Variants in EFCAB10 observed in about 807,000 individuals in gnomAD.
EFCAB10 encodes EF-hand calcium binding domain 10, also known as EF-hand calcium-binding domain-containing protein 10.
A neutral mutation model predicts 7.7 loss-of-function variants in EFCAB10; 7 were observed. The observed-to-expected ratio is 0.91, with a 90% CI of 0.52 to 1.72. The LOEUF is 1.72. Among genes scored for constraint, EFCAB10 ranks in the 40% most tolerant of loss-of-function variants. The probability of loss-of-function intolerance (pLI) is 0.00; values close to 1 mark genes in which losing one functional copy is unlikely to be tolerated. For synonymous variants in EFCAB10, 52 were observed against 21.0 expected (o/e 2.47, Z -4.03); for missense variants, 112 against 61.5 (o/e 1.82, Z -2.74).
chr7:105,576,559 C>T (rs1021219521), intron 1 of EFCAB10, among the ~76,000 whole-genome samples: 24 of 152,198 alleles, frequency 1.6e-4, no homozygotes, highest in African/African-American at 4.6e-4. Flanking sequence ...TCTTCTGCCT[C>T]AGCCTCCTGA....
chr7:105,569,509 C>T lies in EFCAB10; in HGVS notation c.169G>A (p.Val57Met), dbSNP rs550977844. ...ERLRIAKVTGVAFPFFMDNSN... is the reference protein window; with the variant it reads ...ERLRIAKVTGMAFPFFMDNSN... The stretch of plus-strand genomic sequence containing the variant: ...TTATCCATAAAGAAAGGAAACGCCA[C>T]GCCTGTTACTTTTGCAATTCTCAGT... The change falls in exon 2 of 5, where the codon GTG (valine) becomes ATG (methionine). Residue 57 changes from valine to methionine, a missense_variant. Transcript: ENST00000480514. 9.2e-5 allele frequency: 65 copies of T among 702,866 alleles called. No homozygotes were observed. Among genetic ancestry groups the T allele is most frequent in the South Asian group, 8.9e-4 (60 of 67,542 alleles). The allele number at this position is 702,866 out of a possible 1,614,324, so 43.5% of individuals were successfully genotyped here. A position where few individuals can be genotyped will look rare whatever the true frequency, so the allele number is the denominator to read the frequency against.
chr7:105,567,348 TAAGA>T, intron 4 of EFCAB10, 115 bp downstream of exon 4: 2 of 1,443,768 alleles, frequency 1.4e-6, no homozygotes, highest in Non-Finnish European at 9.6e-7. Flanking sequence ...TTTTTGTTTC[TAAGA>T]AAGAGGAAGC....
chr7:105,565,553 T>C lies in EFCAB10; in HGVS notation c.*-106A>G, dbSNP rs1791682774. 1 of 1,613,752 alleles carries C rather than the reference T, an allele frequency of 6.2e-7. No homozygotes were observed. Among genetic ancestry groups the C allele is most frequent in the African/African-American group, 1.3e-5 (1 of 74,926 alleles). ...AGATAATTCTTGCTAATCACTTCAATGAAGGAGGAGCAGCCCAGCTGCAGT... is the reference window on the plus strand; with the variant it reads ...AGATAATTCTTGCTAATCACTTCAACGAAGGAGGAGCAGCCCAGCTGCAGT... On this transcript the variant is annotated intron_variant, in intron 4 of 4. Coordinates refer to ENST00000480514, the MANE Select transcript of EFCAB10 (RefSeq NM_001355526.2).
chr7:105,569,240 C>T lies in EFCAB10; in HGVS notation c.322G>A (p.Gly108Arg). ...AATTTATCCAAAGTTATTTTATGTC[C>T]ATCATCTTGTAAATCTTCATCTTCA... Reference protein sequence around the residue: ...CTEDEDLQDDGHKITLDKFKE... With the variant: ...CTEDEDLQDDRHKITLDKFKE... The change falls in exon 3 of 5, where the codon GGA becomes AGA. Residue 108 changes from glycine (G) to arginine (R), a missense_variant. Gly to Arg is a moderately radical substitution (Grantham distance 125, BLOSUM62 -2). Coordinates refer to ENST00000480514, the MANE Select transcript of EFCAB10 (RefSeq NM_001355526.2). 4.3e-6 allele frequency: 3 copies of T among 701,926 alleles called. No homozygotes were observed. Among genetic ancestry groups the T allele is most frequent in the Non-Finnish European group, 7.8e-6 (3 of 384,946 alleles). The allele number at this position is 701,926 out of a possible 1,614,324, so 43.5% of individuals were successfully genotyped here. A position where few individuals can be genotyped will look rare whatever the true frequency, so the allele number is the denominator to read the frequency against.
At chr7:105,577,715 ATTT>A (rs5886360) in intron 1 of EFCAB10, among the ~76,000 whole-genome samples, 22 of 140,638 alleles carry the variant, frequency 1.6e-4, no homozygotes, top group African/African-American at 5.2e-4. Flanking sequence ...TGTCTGTTCA[ATTT>A]TTTTTTTTTT....
At chr7:105,571,055 C>A (rs372569017) in intron 1 of EFCAB10, 7 of 152,038 alleles carry the variant, frequency 4.6e-5, no homozygotes, top group African/African-American at 1.7e-4. Context: ...TAAGTTACAT[C>A]ATTACTGAGA....
chr7:105,573,040 T>C (rs1177936325), intron 1 of EFCAB10: 3 of 151,968 alleles, frequency 2.0e-5, no homozygotes, highest in Non-Finnish European at 4.4e-5. Context: ...GTCTGACATG[T>C]TTTGGATATT....
Position 105,567,200 on chromosome 7 carries a change from G to A in EFCAB10, c.383+267C>T, listed in dbSNP as rs1056894357. On this transcript the variant is annotated intron_variant, in intron 4 of 4. Coordinates refer to ENST00000480514, the MANE Select transcript of EFCAB10 (RefSeq NM_001355526.2). Reference sequence around the variant, plus strand: ...AAGATGTACTGCAGTCAGCTTCAGGGCAGCTTCCTGCCACAGCAGCATTAA... The same window carrying A: ...AAGATGTACTGCAGTCAGCTTCAGGACAGCTTCCTGCCACAGCAGCATTAA... 1.9e-6 allele frequency: 3 copies of A among 1,612,940 alleles called. No homozygotes were observed. Among genetic ancestry groups the A allele is most frequent in the Non-Finnish European group, 2.5e-6 (3 of 1,179,700 alleles).
chr7:105,569,549 T>G lies in EFCAB10; in HGVS notation c.129A>C (p.Ile43=). 1 of 694,284 alleles carries G rather than the reference T, an allele frequency of 1.4e-6. No individual in the cohort carries two copies. The highest frequency in any genetic ancestry group is 2.6e-6 in the Non-Finnish European group (1 of 383,002). 43.0% of individuals were successfully genotyped at this position (694,284 alleles called of 1,614,324 possible). ...FRPEKPKEYL[I]SLLERLRIAK... is the part of the protein sequence containing the mutation. The stretch of plus-strand genomic sequence containing the variant: ...CAATTCTCAGTCGTTCCAATAGAGA[T>G]ATTAAATATTCTTTTGGTTTTTCTG... The change falls in exon 2 of 5, where the codon ATA becomes ATC. Residue 43 remains isoleucine, a synonymous_variant. Coordinates refer to ENST00000480514, the MANE Select transcript of EFCAB10 (RefSeq NM_001355526.2).
At chr7:105,569,735 T>A (rs945709049) in intron 1 of EFCAB10, among the ~76,000 whole-genome samples, 164 bp from the exon 2 acceptor site, 1 of 152,064 alleles carries the variant, frequency 6.6e-6, no homozygotes, top group Non-Finnish European at 1.5e-5. Flanking sequence ...AGGTAAGACA[T>A]TGAACACTTA....
rs1465121767 is a variant in EFCAB10 at position 105,565,275 on chromosome 7, A to C, written c.*172T>G. Reference sequence around the variant, plus strand: ...TTTTTGGTAAAAATGTGTTTTTTCCAGATGGTTGTCCTTGCCATCTCAGTC... The same window carrying C: ...TTTTTGGTAAAAATGTGTTTTTTCCCGATGGTTGTCCTTGCCATCTCAGTC... On this transcript the variant is annotated 3_prime_UTR_variant, in exon 5 of 5. Coordinates refer to ENST00000480514, the MANE Select transcript of EFCAB10 (RefSeq NM_001355526.2). 6.4e-6 allele frequency: 10 copies of C among 1,563,740 alleles called. No homozygotes were observed. The highest frequency in any genetic ancestry group is 8.7e-6 in the Non-Finnish European group (10 of 1,155,654).
At position 105,569,084 on chromosome 7, in the gene EFCAB10, A is replaced by C. The variant is rs1791870165; in HGVS notation, c.359+119T>G. The stretch of plus-strand genomic sequence containing the variant: ...CCTGTCCTCACTTTCCAGTCAGCTG[A>C]AAGTTTCAAGGGAACAAAATATTTC... On this transcript the variant is annotated intron_variant, in intron 3 of 4. Coordinates refer to ENST00000480514, the MANE Select transcript of EFCAB10 (RefSeq NM_001355526.2). 3.9e-5 allele frequency: 25 copies of C among 642,224 alleles called. 1 individual carries two copies. In the South Asian group the frequency reaches 4.3e-4, roughly 11 times the overall value. The allele number at this position is 642,224 out of a possible 1,614,324, so 39.8% of individuals were successfully genotyped here.
At chr7:105,570,611 T>C (rs549735587) in intron 1 of EFCAB10, among the ~76,000 whole-genome samples, 1 of 152,164 alleles carries the variant, frequency 6.6e-6, no homozygotes, top group South Asian at 2.1e-4. Context: ...GATCTTGCTA[T>C]GTTGCCCAGA....
At chr7:105,574,201 T>G (rs1289975107) in intron 1 of EFCAB10, among the ~76,000 whole-genome samples, 1 of 149,698 alleles carries the variant, frequency 6.7e-6, no homozygotes, top group Non-Finnish European at 1.5e-5. Flanking sequence ...CACACGTATA[T>G]ATATAGACAC....
chr7:105,574,196 G>GTA (rs72231558), intron 1 of EFCAB10, among the ~76,000 whole-genome samples: 4 of 3,018 alleles, frequency 1.3e-3, no homozygotes, highest in East Asian at 0.011. Context: ...ACACACACAC[G>GTA]TATATATATA....
In EFCAB10 at chr7:105,569,249, G is replaced by A. The variant is rs1018374952; in HGVS notation, c.313C>T (p.Gln105Ter). The change falls in exon 3 of 5, where the codon CAA becomes TAA. Residue 105 changes from glutamine to a stop codon, truncating the protein, a stop_gained. Transcript: ENST00000480514. LOFTEE classifies it high-confidence loss of function. The part of the protein sequence containing the change: ...LGLCTEDEDL[Q>*]DDGHKITLDK... Reference sequence around the variant, plus strand: ...AAAGTTATTTTATGTCCATCATCTTGTAAATCTTCATCTTCAGTGCATAGA... The same window carrying A: ...AAAGTTATTTTATGTCCATCATCTTATAAATCTTCATCTTCAGTGCATAGA... 1 of 702,098 alleles carries A rather than the reference G, an allele frequency of 1.4e-6. No individual in the cohort carries two copies. The highest frequency in any genetic ancestry group is 2.6e-6 in the Non-Finnish European group (1 of 384,976). The allele number at this position is 702,098 out of a possible 1,614,324, so 43.5% of individuals were successfully genotyped here. A position where few individuals can be genotyped will look rare whatever the true frequency, so the allele number is the denominator to read the frequency against.
intron 1 of EFCAB10, among the ~76,000 whole-genome samples, chr7:105,579,554 T>C (rs1357596312): frequency 6.6e-6 from 1 of 152,186 alleles, no homozygotes; most frequent in Non-Finnish European, 1.5e-5. Context: ...TATAGATACT[T>C]GCCTAACAAT....
intron 1 of EFCAB10, among the ~76,000 whole-genome samples, chr7:105,576,162 G>A (rs769056998): frequency 1.2e-4 from 18 of 152,136 alleles, no homozygotes; most frequent in Admixed American, 2.0e-4. Context: ...GTATAGCTAC[G>A]AAAGAACAGA....
chr7:105,576,801 C>G (rs1470594843), intron 1 of EFCAB10, among the ~76,000 whole-genome samples: 1 of 152,096 alleles, frequency 6.6e-6, no homozygotes, highest in African/African-American at 2.4e-5. Flanking sequence ...CACCTGTAAT[C>G]CAAGCACTTT....
Sources: allele counts gnomAD v4.1 joint callset (sites outside exome capture counted in the v4.1 genomes callset), GRCh38; gene constraint gnomAD v4.1.1; transcripts MANE v1.5; gene names NCBI Gene and HGNC (gene_info 2026-07-23, HGNC 2026-07-21).